Variants in PLAA observed in about 807,000 individuals in gnomAD.
PLAA encodes the protein phospholipase A2 activating protein.
In PLAA, 48 loss-of-function variants were observed where a neutral mutation model predicts 84.1. The ratio of observed to expected loss-of-function variants is 0.57; its 90% CI spans 0.45 to 0.73. The LOEUF (loss-of-function observed/expected upper bound fraction) is 0.73. Ranked by LOEUF, PLAA falls within the 30% of genes least tolerant of loss-of-function variation. The pLI is 0.00. For missense variants in PLAA, 903 were observed against 954.7 expected (o/e 0.95, Z 0.71); for synonymous variants, 392 against 336.6 (o/e 1.16, Z -1.80).
intron 7 of PLAA, among the ~76,000 whole-genome samples, 171 bp from the exon 8 acceptor site, chr9:26,920,555 A>T (rs896624537): frequency 6.6e-6 from 1 of 152,240 alleles, no homozygotes; most frequent in African/African-American, 2.4e-5. Context: ...AGAAAATAAC[A>T]GTTAAAAGGA....
chr9:26,933,667 T>C (rs1462076870), intron 2 of PLAA, among the ~76,000 whole-genome samples: 1 of 150,172 alleles, frequency 6.7e-6, no homozygotes, highest in Non-Finnish European at 1.5e-5. Flanking sequence ...CAGGCGCCTG[T>C]AGTCCCAGCT....
In PLAA at chr9:26,903,571, G is replaced by A. The variant is rs932763609; in HGVS notation, c.*1940C>T. Among the ~76,000 whole-genome samples the A allele has an allele frequency of 2.6e-5, 4 of 152,142 alleles. No individual in the cohort carries two copies. Among genetic ancestry groups the A allele is most frequent in the African/African-American group, 9.7e-5 (4 of 41,436 alleles). Reference sequence around the variant, plus strand: ...TACAGGCAATTTTTATTTGGGGTGTGTGTGTTTTACTCAATAAATATTTAT... The same window carrying A: ...TACAGGCAATTTTTATTTGGGGTGTATGTGTTTTACTCAATAAATATTTAT... On this transcript the variant is annotated 3_prime_UTR_variant, in exon 14 of 14. Coordinates refer to ENST00000397292, the MANE Select transcript of PLAA (RefSeq NM_001031689.3).
chr9:26,937,627 A>G (rs116157107), intron 1 of PLAA, among the ~76,000 whole-genome samples: 17 of 152,322 alleles, frequency 1.1e-4, no homozygotes, highest in African/African-American at 3.8e-4. Context: ...AAACATGCTC[A>G]AAGAACTAAA....
chr9:26,923,159 G>A lies in PLAA; in HGVS notation c.1039+19C>T. ...CAAATATGGTGAATTTTTTCTACTAGGTACAATAAAATACTTACCAGGTTC... is the reference window on the plus strand; with the variant it reads ...CAAATATGGTGAATTTTTTCTACTAAGTACAATAAAATACTTACCAGGTTC... On this transcript the variant is annotated intron_variant, in intron 7 of 13. Transcript: ENST00000397292. 2 of 1,523,488 alleles carry A rather than the reference G, an allele frequency of 1.3e-6. No individual in the cohort carries two copies. Among genetic ancestry groups the A allele is most frequent in the South Asian group, 1.3e-5 (1 of 79,556 alleles). The allele number at this position is 1,523,488 out of a possible 1,614,324, so 94.4% of individuals were successfully genotyped here.
chr9:26,930,155 A>C (rs1020303534), intron 2 of PLAA, among the ~76,000 whole-genome samples: 1 of 145,228 alleles, frequency 6.9e-6, no homozygotes, highest in Non-Finnish European at 1.5e-5. Context: ...CCCAGGCTGG[A>C]GTGCAGCTGT....
At position 26,943,315 on chromosome 9, in the gene PLAA, C is replaced by T. The variant is rs1485974288; in HGVS notation, c.149+3582G>A. Reference sequence around the variant, plus strand: ...AAGGGCTTTTGTGAAAGACTAGGTACCTGGTTTAGTCTACTCTAAAACAGA... The same window carrying T: ...AAGGGCTTTTGTGAAAGACTAGGTATCTGGTTTAGTCTACTCTAAAACAGA... On this transcript the variant is annotated intron_variant, in intron 1 of 13. Transcript: ENST00000397292. 2.6e-5 allele frequency among the ~76,000 whole-genome samples: 4 copies of T among 152,168 alleles called. 1 individual carries two copies. The highest frequency in any genetic ancestry group is 9.7e-5 in the African/African-American group (4 of 41,446).
chr9:26,937,260 G>C (rs1035808865), intron 1 of PLAA, among the ~76,000 whole-genome samples: 2 of 152,100 alleles, frequency 1.3e-5, no homozygotes, highest in East Asian at 1.9e-4. Context: ...GAAAAAATTA[G>C]AAAGTGAAAG....
intron 1 of PLAA, among the ~76,000 whole-genome samples, chr9:26,940,352 T>C (rs568876930): frequency 1.3e-5 from 2 of 152,348 alleles, no homozygotes; most frequent in African/African-American, 2.4e-5. Flanking sequence ...TGCTACAACA[T>C]GGAAGAACCT....
chr9:26,945,648 T>A (rs1442873159), intron 1 of PLAA, among the ~76,000 whole-genome samples: 2 of 152,196 alleles, frequency 1.3e-5, no homozygotes, highest in African/African-American at 4.8e-5. Flanking sequence ...GGAAATCAGA[T>A]CATGTTGCTC....
At chr9:26,914,386 G>C (rs960835019) in intron 10 of PLAA, among the ~76,000 whole-genome samples, 9 of 152,036 alleles carry the variant, frequency 5.9e-5, no homozygotes, top group African/African-American at 1.9e-4. Context: ...ATTGAAAATA[G>C]AAAGAAGGAA....
At chr9:26,918,650 A>C (rs893554578) in intron 9 of PLAA, among the ~76,000 whole-genome samples, 1 of 152,168 alleles carries the variant, frequency 6.6e-6, no homozygotes, top group African/African-American at 2.4e-5. Flanking sequence ...AGAAATGATG[A>C]GAGGAAAACA....
rs368578974 is a variant in PLAA, at chr9:26,947,058, T to C, written c.-13A>G. ...CGCCGCTCGTCATGGCCAGTGTCTG[T>C]CTGGCGCCCGGTGCCCAGGCACTGT... On this transcript the variant is annotated 5_prime_UTR_variant, in exon 1 of 14. Coordinates refer to ENST00000397292, the MANE Select transcript of PLAA (RefSeq NM_001031689.3). The C allele has an allele frequency of 1.1e-4, 171 of 1,565,504 alleles. 1 individual carries two copies. In the South Asian group the frequency reaches 1.8e-3, roughly 17 times the overall value.
In PLAA at chr9:26,925,673, TATA is replaced by T. The variant is rs1226611659; in HGVS notation, c.869+149_869+151del. ...ATCATGCATCCCTTAGTATGAAAGC[TATA>T]ATATCTACTACTGTTTTGTTTAGTA... On this transcript the variant is annotated intron_variant, in intron 6 of 13. Coordinates refer to ENST00000397292, the MANE Select transcript of PLAA (RefSeq NM_001031689.3). 3 of 617,848 alleles carry T rather than the reference TATA, an allele frequency of 4.9e-6. No individual in the cohort carries two copies. In the East Asian group the frequency reaches 8.3e-5, roughly 17 times the overall value. 38.3% of individuals were successfully genotyped at this position (617,848 alleles called of 1,614,324 possible). A position where few individuals can be genotyped will look rare whatever the true frequency, so the allele number is the denominator to read the frequency against.
intron 1 of PLAA, among the ~76,000 whole-genome samples, chr9:26,945,305 C>T (rs914179663): frequency 6.6e-6 from 1 of 152,124 alleles, no homozygotes; most frequent in African/African-American, 2.4e-5. Flanking sequence ...AACAGGCATC[C>T]TTGATTATAC....
At chr9:26,940,441 G>T (rs1331620305) in intron 1 of PLAA, among the ~76,000 whole-genome samples, 2 of 152,218 alleles carry the variant, frequency 1.3e-5, no homozygotes, top group African/African-American at 2.4e-5. Context: ...GTGGAACTTA[G>T]AGCTGTCAAA....
chr9:26,920,283 C>G lies in PLAA; in HGVS notation c.1141G>C (p.Val381Leu). 6.2e-7 allele frequency: 1 copy of G among 1,613,888 alleles called. No individual in the cohort carries two copies. The highest frequency in any genetic ancestry group is 8.5e-7 in the Non-Finnish European group (1 of 1,179,862). Residue 381 changes from valine (V) to leucine (L), a missense_variant, in exon 8 of 14, where the codon GTT becomes CTT. Physicochemically the swap from Val to Leu is conservative, Grantham distance 32. Coordinates refer to ENST00000397292, the MANE Select transcript of PLAA (RefSeq NM_001031689.3). ...TGCTGATTAGCACCAGATGAGCCAA[C>G]AACATCACCAATTTTTATCCACCTC... ...EGRWIKIGDVVGSSGANQQTS... is the reference protein window; with the variant it reads ...EGRWIKIGDVLGSSGANQQTS...
intron 12 of PLAA, among the ~76,000 whole-genome samples, chr9:26,909,622 T>C (rs1028478501): frequency 5.9e-5 from 9 of 152,090 alleles, no homozygotes; most frequent in African/African-American, 2.2e-4. Context: ...AATTTCTTTT[T>C]TTTTTTTTTT....
At chr9:26,913,979 GGTGACT>G in intron 10 of PLAA, 32 bp from the exon 11 acceptor site, 2 of 1,478,098 alleles carry the variant, frequency 1.4e-6, no homozygotes, top group Non-Finnish European at 1.9e-6. Context: ...AGTAAGCAAA[GGTGACT>G]GTAAATTATA....
At chr9:26,924,021 T>C (rs1221980213) in intron 6 of PLAA, among the ~76,000 whole-genome samples, 1 of 152,190 alleles carries the variant, frequency 6.6e-6, no homozygotes, top group Admixed American at 6.6e-5. Context: ...TTTTTCTTCA[T>C]ATGCTTAGGA....
Sources: gnomAD v4.1 joint callset for allele counts (sites outside exome capture counted in the v4.1 genomes callset) on GRCh38, gnomAD v4.1.1 for gene constraint, MANE v1.5 for transcripts, NCBI Gene and HGNC (gene_info 2026-07-23, HGNC 2026-07-21) for gene names.